The following FKBP10 variants were observed in gnomAD, a reference collection of about 807,000 sequenced individuals.
FKBP10 encodes peptidyl-prolyl cis-trans isomerase FKBP10.
Under a neutral mutation model 53.7 loss-of-function variants are expected in FKBP10, and 34 were observed. That is an observed-to-expected ratio of 0.63 (90% CI 0.48 to 0.84). The LOEUF is 0.84. Among genes scored for constraint, FKBP10 ranks in the 40% least tolerant of loss-of-function variants. The probability of loss-of-function intolerance (pLI) is 0.00; values close to 1 mark genes in which losing one functional copy is unlikely to be tolerated. For synonymous variants in FKBP10, 324 were observed against 335.7 expected (o/e 0.97, Z 0.38); for missense variants, 748 against 797.8 (o/e 0.94, Z 0.75).
At chr17:41,820,919 G>T in intron 7 of FKBP10, 28 bp from the exon 8 acceptor site, 1 of 1,607,586 alleles carries the variant, frequency 6.2e-7, no homozygotes, top group South Asian at 1.1e-5. Flanking sequence ...CAGGGTGGCT[G>T]CTGACCTGGG....
chr17:41,816,817 C>T (rs782458683), intron 1 of FKBP10, among the ~76,000 whole-genome samples: 25 of 152,222 alleles, frequency 1.6e-4, no homozygotes, highest in African/African-American at 6.0e-4. Flanking sequence ...AGGGCAATAG[C>T]AGCCCTTGTC....
Position 41,816,254 on chromosome 17 carries a change from G to T in FKBP10, c.246-804G>T, listed in dbSNP as rs552666628. On this transcript the variant is annotated intron_variant, in intron 1 of 9. Transcript: ENST00000321562. ...TTTTTTTTTTTTTTTTTTTTTGAGA[G>T]GGAGTCTCACTCTGTCGCCAGGCTG... is the stretch of plus-strand genomic sequence containing the variant. 5.9e-5 allele frequency among the ~76,000 whole-genome samples: 6 copies of T among 102,150 alleles called. No homozygotes were observed. In the South Asian group the frequency reaches 1.8e-3, roughly 31 times the overall value. The allele number at this position is 102,150 out of a possible 152,430, so 67.0% of individuals were successfully genotyped here.
chr17:41,817,951 AC>A (rs2047836869), intron 2 of FKBP10, 137 bp from the exon 3 acceptor site: 20 of 918,948 alleles, frequency 2.2e-5, no homozygotes, highest in Non-Finnish European at 3.0e-5. Context: ...AAAAAAAAAA[AC>A]AAAAATAGTG....
chr17:41,813,393 C>A, intron 1 of FKBP10, 114 bp downstream of exon 1: 1 of 1,383,600 alleles, frequency 7.2e-7, no homozygotes, highest in Non-Finnish European at 1.0e-6. Context: ...CTAGACAGCA[C>A]CCCTGGGGCC....
chr17:41,822,467 C>T lies in FKBP10; in HGVS notation c.*59C>T, dbSNP rs2047905483. 9.1e-6 allele frequency: 14 copies of T among 1,537,750 alleles called. No individual in the cohort carries two copies. The East Asian group carries it at 9.6e-5, about 11-fold the overall frequency. ...AGGCCCACTGCGAGGGGGACAGTGG[C>T]GGTGGGACTGACCTGCTGACAGTCA... On this transcript the variant is annotated 3_prime_UTR_variant, in exon 10 of 10. Transcript: ENST00000321562.
At position 41,819,599 on chromosome 17, in the gene FKBP10, G is replaced by A. The variant is rs782062935; in HGVS notation, c.987G>A (p.Gly329=). The change falls in exon 6 of 10, where the codon GGG becomes GGA. Residue 329 remains glycine (G), a synonymous_variant. Transcript: ENST00000321562. The stretch of plus-strand genomic sequence containing the variant: ...ACATCATCCCCGGGATGGACCAGGG[G>A]CTGCAGGGTGCCTGCATGGGGGAAC... The part of the protein sequence containing the change: ...QGYIIPGMDQ[G]LQGACMGERR... 1 of 1,613,914 alleles carries A rather than the reference G, an allele frequency of 6.2e-7. No individual in the cohort carries two copies. The highest frequency in any genetic ancestry group is 1.1e-5 in the South Asian group (1 of 91,064).
intron 6 of FKBP10, 68 bp from the exon 7 acceptor site, chr17:41,820,201 C>T: frequency 6.4e-7 from 1 of 1,551,788 alleles, no homozygotes; most frequent in Non-Finnish European, 8.9e-7. Flanking sequence ...TGGGGACCTC[C>T]ATGGAGAGAC....
chr17:41,817,369 T>TA (rs1555616242), intron 2 of FKBP10, among the ~76,000 whole-genome samples, 166 bp downstream of exon 2: 1 of 152,040 alleles, frequency 6.6e-6, no homozygotes, highest in East Asian at 1.9e-4. Context: ...GTAGCTGACA[T>TA]ATATGGTCCC....
chr17:41,813,024 C>G lies in FKBP10; in HGVS notation c.-11C>G. 1 of 1,609,628 alleles carries G rather than the reference C, an allele frequency of 6.2e-7. No homozygotes were observed. Among genetic ancestry groups the G allele is most frequent in the Non-Finnish European group, 8.5e-7 (1 of 1,179,516 alleles). On this transcript the variant is annotated 5_prime_UTR_variant, in exon 1 of 10. Coordinates refer to ENST00000321562, the MANE Select transcript of FKBP10 (RefSeq NM_021939.4). ...TCGCCCTCACTGCCGGCGGTCCCAACTCCAGGCACCATGTTCCCCGCGGGC... is the reference window on the plus strand; with the variant it reads ...TCGCCCTCACTGCCGGCGGTCCCAAGTCCAGGCACCATGTTCCCCGCGGGC...
At chr17:41,821,522 T>TA in intron 8 of FKBP10, 132 bp from the exon 9 acceptor site, 1 of 1,155,434 alleles carries the variant, frequency 8.7e-7, no homozygotes, top group Non-Finnish European at 1.2e-6. Flanking sequence ...GATGGCTCCT[T>TA]AAACATCCCA....
intron 1 of FKBP10, among the ~76,000 whole-genome samples, chr17:41,816,683 G>T (rs1334646756): frequency 6.6e-6 from 1 of 152,178 alleles, no homozygotes; most frequent in South Asian, 2.1e-4. Flanking sequence ...AATGTAAAAT[G>T]CCAAGCATTT....
At chr17:41,817,635 C>CTT (rs148933145) in intron 2 of FKBP10, among the ~76,000 whole-genome samples, 310 of 144,466 alleles carry the variant, frequency 2.1e-3, no homozygotes, top group African/African-American at 4.8e-3. Flanking sequence ...TTTTCTTTTT[C>CTT]TTTTTTTTTT....
Position 41,813,121 on chromosome 17 carries a change from G to C in FKBP10, c.87G>C (p.Arg29Ser). ...TACTGGTGGTGCAGGCCGTGGGGAG[G>C]GGGCTGGGCCGCGCCAGCCCGGCCG... Reference protein sequence around the residue: ...LLLLVVQAVGRGLGRASPAGG... With the variant: ...LLLLVVQAVGSGLGRASPAGG... Residue 29 changes from arginine (R) to serine (S), a missense_variant, in exon 1 of 10, where the codon AGG becomes AGC. Physicochemically the swap from Arg to Ser is moderately radical, Grantham distance 110. Transcript: ENST00000321562. 6.2e-7 allele frequency: 1 copy of C among 1,611,362 alleles called. No individual in the cohort carries two copies. The highest frequency in any genetic ancestry group is 8.5e-7 in the Non-Finnish European group (1 of 1,179,630).
At chr17:41,814,798 G>A (rs554390843) in intron 1 of FKBP10, among the ~76,000 whole-genome samples, 2 of 152,170 alleles carry the variant, frequency 1.3e-5, no homozygotes, top group Non-Finnish European at 2.9e-5. Flanking sequence ...GAGTGCAGTG[G>A]TGCCATCTCA....
At chr17:41,817,002 T>C in intron 1 of FKBP10, 56 bp from the exon 2 acceptor site, 1 of 1,610,906 alleles carries the variant, frequency 6.2e-7, no homozygotes, top group Non-Finnish European at 8.5e-7. Flanking sequence ...TGTGCCACCA[T>C]GGGCAGTGTG....
At chr17:41,820,918 T>TG (rs1555616932) in intron 7 of FKBP10, 29 bp from the exon 8 acceptor site, 1 of 1,607,534 alleles carries the variant, frequency 6.2e-7, no homozygotes, top group Non-Finnish European at 8.5e-7. Context: ...ACAGGGTGGC[T>TG]GCTGACCTGG....
At chr17:41,820,866 C>A in intron 7 of FKBP10, 81 bp from the exon 8 acceptor site, 3 of 1,552,510 alleles carry the variant, frequency 1.9e-6, no homozygotes, top group Non-Finnish European at 2.6e-6. Context: ...AGGGCTTGTT[C>A]TGGGCCCACC....
rs371079363 is a variant in FKBP10 at position 41,817,102 on chromosome 17, G to A, written c.290G>A (p.Arg97His). The A allele has an allele frequency of 1.8e-5, 29 of 1,613,982 alleles. No individual in the cohort carries two copies. The highest frequency in any genetic ancestry group is 2.2e-5 in the South Asian group (2 of 91,088). ...GTGGCCATCGTGGTGGGTGTGGGGCGCCTCATCACTGGCATGGACCGAGGC... is the reference window on the plus strand; with the variant it reads ...GTGGCCATCGTGGTGGGTGTGGGGCACCTCATCACTGGCATGGACCGAGGC... ...TLVAIVVGVG[R>H]LITGMDRGLM... is the part of the protein sequence containing the mutation. The change falls in exon 2 of 10, where the codon CGC becomes CAC. Residue 97 changes from arginine to histidine, a missense_variant. By Grantham distance (29) the Arg-to-His change is conservative. Coordinates refer to ENST00000321562, the MANE Select transcript of FKBP10 (RefSeq NM_021939.4).
Position 41,822,636 on chromosome 17 carries a change from A to C in FKBP10, c.*228A>C. ...TTCCATCCCTAAACCACTTCCTTAA[A>C]ATGTTTGGATTTGCAAAGCCAATTT... On this transcript the variant is annotated 3_prime_UTR_variant, in exon 10 of 10. Transcript: ENST00000321562. 1.7e-6 allele frequency: 1 copy of C among 598,756 alleles called. No individual in the cohort carries two copies. Among genetic ancestry groups the C allele is most frequent in the Non-Finnish European group, 2.9e-6 (1 of 340,876 alleles). 37.1% of individuals were successfully genotyped at this position (598,756 alleles called of 1,614,324 possible). A position where few individuals can be genotyped will look rare whatever the true frequency, so the allele number is the denominator to read the frequency against.
Sources: allele counts gnomAD v4.1 joint callset (sites outside exome capture counted in the v4.1 genomes callset), GRCh38; gene constraint gnomAD v4.1.1; transcripts MANE v1.5; gene names NCBI Gene and HGNC (gene_info 2026-07-23, HGNC 2026-07-21).